Variants in CLK2 observed in about 807,000 individuals in gnomAD.
CLK2 encodes dual specificity protein kinase CLK2.
In CLK2, 12 loss-of-function variants were observed where a neutral mutation model predicts 73.5. The ratio of observed to expected loss-of-function variants is 0.16; its 90% CI spans 0.10 to 0.26. The LOEUF (loss-of-function observed/expected upper bound fraction) is 0.26. Ranked by LOEUF, CLK2 falls within the 10% of genes least tolerant of loss-of-function variation. The pLI is 1.00. For synonymous variants in CLK2, 232 were observed against 237.9 expected, an observed-to-expected ratio of 0.98 and a Z score of 0.23; for missense variants, 509 against 688.4, an observed-to-expected ratio of 0.74 and a Z score of 2.92.
chr1:155,265,283 C>T (rs759957256), intron 8 of CLK2, among the ~76,000 whole-genome samples: 8 of 152,006 alleles, frequency 5.3e-5, no homozygotes, highest in Non-Finnish European at 1.2e-4. Flanking sequence ...AAAAGAAGTC[C>T]GGGCCAGGCA....
At chr1:155,267,911 G>T in intron 6 of CLK2, 99 bp downstream of exon 6, 2 of 787,844 alleles carry the variant, frequency 2.5e-6, no homozygotes, top group Non-Finnish European at 4.5e-6. Flanking sequence ...TGGATGAGAA[G>T]GTCTAGGACT....
Position 155,270,922 on chromosome 1 carries a change from C to A in CLK2, c.56G>T (p.Arg19Leu). 1 of 1,614,164 alleles carries A rather than the reference C, an allele frequency of 6.2e-7. No individual in the cohort carries two copies. The highest frequency in any genetic ancestry group is 8.5e-7 in the Non-Finnish European group (1 of 1,180,020). The part of the protein sequence containing the change: ...SSERGSRGSY[R>L]EHYRSRKHKR... ...ATGCTTTCGGCTCCGATAGTGTTCA[C>A]GGTAACTCCCCCGGCTGCCTCGCTC... The change falls in exon 2 of 13, where the codon CGT becomes CTT. Residue 19 changes from arginine to leucine, a missense_variant. Physicochemically the swap from Arg to Leu is moderately radical, Grantham distance 102. This residue lies in a region of CLK2 where 222 missense variants were observed against 221.7 expected (regional missense o/e 1.00). Coordinates refer to ENST00000368361, the MANE Select transcript of CLK2 (RefSeq NM_001294338.2).
Position 155,268,881 on chromosome 1 carries a change from G to A in CLK2, c.400-86C>T, listed in dbSNP as rs1673356086. ...CGGGGTGGGTGGTAGAGGGGTCACC[G>A]GTCACAGGCGCCCAGCCAGGGGGGA... On this transcript the variant is annotated intron_variant, in intron 3 of 12. Transcript: ENST00000368361. This position sits in a 1 kb window ranked among gnomAD's most constrained non-coding sequence, Gnocchi z 5.6. 5 of 788,476 alleles carry A rather than the reference G, an allele frequency of 6.3e-6. No individual in the cohort carries two copies. Among genetic ancestry groups the A allele is most frequent in the Non-Finnish European group, 1.1e-5 (5 of 462,732 alleles). The allele number at this position is 788,476 out of a possible 1,614,324, so 48.8% of individuals were successfully genotyped here. A position where few individuals can be genotyped will look rare whatever the true frequency, so the allele number is the denominator to read the frequency against.
rs773158327 is a variant in CLK2 at position 155,268,983 on chromosome 1, G to C, written c.400-188C>G. 107 of 615,664 alleles carry C rather than the reference G, an allele frequency of 1.7e-4. No individual in the cohort carries two copies. Among genetic ancestry groups the C allele is most frequent in the Non-Finnish European group, 3.0e-4 (102 of 343,422 alleles). 38.1% of individuals were successfully genotyped at this position (615,664 alleles called of 1,614,324 possible). A position where few individuals can be genotyped will look rare whatever the true frequency, so the allele number is the denominator to read the frequency against. On this transcript the variant is annotated intron_variant, in intron 3 of 12. Coordinates refer to ENST00000368361, the MANE Select transcript of CLK2 (RefSeq NM_001294338.2). The surrounding 1 kb of genome is among the most constrained non-coding windows in gnomAD (Gnocchi z 5.6). ...GATCGGTGTGAGAAGAGAGAGCGGC[G>C]CATAATCCCAAGTCCCCAAACCCAA...
At chr1:155,270,688 C>G (rs920656436) in intron 2 of CLK2, 120 bp downstream of exon 2, 3 of 1,164,886 alleles carry the variant, frequency 2.6e-6, no homozygotes. Context: ...TTATCTATCC[C>G]GACATTACCT....
chr1:155,269,942 T>C (rs114256419), intron 2 of CLK2, among the ~76,000 whole-genome samples: 1,573 of 152,316 alleles, frequency 0.01, 32 homozygotes, highest in African/African-American at 0.036. Flanking sequence ...CCACTCCCTA[T>C]TGGGGCCTTT....
Position 155,263,177 on chromosome 1 carries a change from C to A in CLK2, c.*41G>T. On this transcript the variant is annotated 3_prime_UTR_variant, in exon 13 of 13. Transcript: ENST00000368361. The stretch of plus-strand genomic sequence containing the variant: ...AGCACCAGTGTCCTGGACTGGACAC[C>A]CACTGCTATAAAAGATGCAGGGGGG... The A allele has an allele frequency of 6.3e-7, 1 of 1,578,052 alleles. No individual in the cohort carries two copies. The highest frequency in any genetic ancestry group is 8.6e-7 in the Non-Finnish European group (1 of 1,162,278).
chr1:155,270,865 C>T lies in CLK2; in HGVS notation c.113G>A (p.Ser38Asn). ...CCGACGCCGTCGTGTCCGGTCACTACTACTTGACCAGGAGCGACTTCTTCG... is the reference window on the plus strand; with the variant it reads ...CCGACGCCGTCGTGTCCGGTCACTATTACTTGACCAGGAGCGACTTCTTCG... The part of the protein sequence containing the change: ...KRRRSRSWSS[S>N]SDRTRRRRRE... Residue 38 changes from serine to asparagine, a missense_variant, in exon 2 of 13, where the codon AGT (serine) becomes AAT (asparagine). Physicochemically the swap from Ser to Asn is conservative, Grantham distance 46. Transcript: ENST00000368361. 6.2e-7 allele frequency: 1 copy of T among 1,614,208 alleles called. No individual in the cohort carries two copies.
Position 155,268,280 on chromosome 1 carries a change from G to C in CLK2, c.554+13C>G. The C allele has an allele frequency of 6.2e-7, 1 of 1,613,278 alleles. No individual in the cohort carries two copies. Among genetic ancestry groups the C allele is most frequent in the African/African-American group, 1.3e-5 (1 of 75,016 alleles). On this transcript the variant is annotated intron_variant, in intron 5 of 12. Transcript: ENST00000368361. This position sits in a 1 kb window ranked among gnomAD's most constrained non-coding sequence, Gnocchi z 5.6. Reference sequence around the variant, plus strand: ...TCTTTAGCCCCACATAGTAGGGAGGGACTGACAGTTACCTGCGATGGTCAA... The same window carrying C: ...TCTTTAGCCCCACATAGTAGGGAGGCACTGACAGTTACCTGCGATGGTCAA...
chr1:155,271,714 G>A (rs1047714439), intron 1 of CLK2, among the ~76,000 whole-genome samples: 1 of 152,096 alleles, frequency 6.6e-6, no homozygotes, highest in Non-Finnish European at 1.5e-5. Context: ...TAAAGCTTTG[G>A]TTTACAGTTA....
intron 8 of CLK2, 84 bp from the exon 9 acceptor site, chr1:155,264,858 A>C (rs540715476): frequency 1.2e-4 from 178 of 1,534,274 alleles, no homozygotes; most frequent in Non-Finnish European, 1.6e-4. Context: ...CTGAGCCTTA[A>C]AAAAGGTACT....
At chr1:155,263,901 G>GGAA in intron 12 of CLK2, 49 bp downstream of exon 12, 1 of 1,562,732 alleles carries the variant, frequency 6.4e-7, no homozygotes, top group Non-Finnish European at 8.8e-7. Context: ...ACCCTAAGAA[G>GGAA]GAAGTGACTT....
chr1:155,266,045 C>A (rs958757357), intron 7 of CLK2, 91 bp from the exon 8 acceptor site: 44 of 827,304 alleles, frequency 5.3e-5, no homozygotes, highest in Non-Finnish European at 9.2e-5. Flanking sequence ...TAGGGCAAAG[C>A]CAGTGAGGAG....
At position 155,268,817 on chromosome 1, in the gene CLK2, C is replaced by T. The variant is rs755280014; in HGVS notation, c.400-22G>A. 1.7e-5 allele frequency: 20 copies of T among 1,147,876 alleles called. No individual in the cohort carries two copies. The highest frequency in any genetic ancestry group is 1.8e-5 in the Non-Finnish European group (16 of 877,254). The allele number at this position is 1,147,876 out of a possible 1,614,324, so 71.1% of individuals were successfully genotyped here. A position where few individuals can be genotyped will look rare whatever the true frequency, so the allele number is the denominator to read the frequency against. On this transcript the variant is annotated intron_variant, in intron 3 of 12. Transcript: ENST00000368361. This position sits in a 1 kb window ranked among gnomAD's most constrained non-coding sequence, Gnocchi z 5.6. ...GCTGCTGTCGGGGGGCAGGGGGGGTCGGAGCAAGCCAGGTGTCGGAGCGGG... is the reference window on the plus strand; with the variant it reads ...GCTGCTGTCGGGGGGCAGGGGGGGTTGGAGCAAGCCAGGTGTCGGAGCGGG...
chr1:155,267,415 C>T (rs1438496839), intron 6 of CLK2, among the ~76,000 whole-genome samples: 2 of 152,152 alleles, frequency 1.3e-5, no homozygotes, highest in Admixed American at 1.3e-4. Context: ...CTTCCTGCGT[C>T]ATTTTAAATA....
intron 1 of CLK2, among the ~76,000 whole-genome samples, chr1:155,272,538 C>CA (rs750620022): frequency 1.3e-4 from 20 of 152,152 alleles, no homozygotes; most frequent in Non-Finnish European, 2.5e-4. Flanking sequence ...ATCGCGTATG[C>CA]AAAAGGTTTA....
chr1:155,270,425 C>A (rs1447773200), intron 2 of CLK2, among the ~76,000 whole-genome samples: 1 of 152,122 alleles, frequency 6.6e-6, no homozygotes, highest in Non-Finnish European at 1.5e-5. Context: ...ACACAAAGAT[C>A]TAACTTTGTC....
chr1:155,268,431 A>C lies in CLK2; in HGVS notation c.488-72T>G. On this transcript the variant is annotated intron_variant, in intron 4 of 12. Coordinates refer to ENST00000368361, the MANE Select transcript of CLK2 (RefSeq NM_001294338.2). The surrounding 1 kb of genome is among the most constrained non-coding windows in gnomAD (Gnocchi z 5.6). ...GGGGAATGAGCTGAGTTGGAAGAAA[A>C]AAGGGGACAGCAACCTGGGGTGGAG... 1 of 1,293,876 alleles carries C rather than the reference A, an allele frequency of 7.7e-7. No individual in the cohort carries two copies. Among genetic ancestry groups the C allele is most frequent in the Non-Finnish European group, 1.1e-6 (1 of 892,156 alleles). The allele number at this position is 1,293,876 out of a possible 1,614,324, so 80.1% of individuals were successfully genotyped here.
rs374795363 is a variant in CLK2 at position 155,264,577 on chromosome 1, G to A, written c.1064-27C>T. The A allele has an allele frequency of 2.5e-6, 4 of 1,614,104 alleles. No homozygotes were observed. In the African/African-American group the frequency reaches 4.0e-5, roughly 16 times the overall value. On this transcript the variant is annotated intron_variant, in intron 9 of 12. Coordinates refer to ENST00000368361, the MANE Select transcript of CLK2 (RefSeq NM_001294338.2). ...TGGGTGAGAATGGGAGGGAAAAGGTGTTATGAGGCTTAGGTGGCCCCACCC... is the reference window on the plus strand; with the variant it reads ...TGGGTGAGAATGGGAGGGAAAAGGTATTATGAGGCTTAGGTGGCCCCACCC...
Sources: allele counts gnomAD v4.1 joint callset (sites outside exome capture counted in the v4.1 genomes callset), GRCh38; gene constraint gnomAD v4.1.1; regional missense constraint gnomAD v4.1.1; non-coding constraint Gnocchi (gnomAD v3.1); transcripts MANE v1.5; gene names NCBI Gene and HGNC (gene_info 2026-07-23, HGNC 2026-07-21).